Variants in RUNDC3B observed in about 807,000 individuals in gnomAD.
RUNDC3B encodes RUN domain-containing protein 3B.
RUNDC3B carries 33 observed loss-of-function variants against 58.4 expected under a neutral mutation model. The ratio of observed to expected loss-of-function variants is 0.56; its 90% confidence interval spans 0.43 to 0.75. RUNDC3B has a LOEUF of 0.75. Ranked by LOEUF, RUNDC3B falls within the 30% of genes least tolerant of loss-of-function variation. The pLI, the probability that RUNDC3B is intolerant of heterozygous loss-of-function variation, is 0.00. For synonymous variants in RUNDC3B, 193 were observed against 195.2 expected (o/e 0.99, Z 0.10); for missense variants, 501 against 535.7 (o/e 0.94, Z 0.64).
intron 7 of RUNDC3B, among the ~76,000 whole-genome samples, chr7:87,771,745 G>A (rs1183512791): frequency 3.9e-5 from 6 of 152,192 alleles, no homozygotes; most frequent in Non-Finnish European, 5.9e-5. Context: ...GAAACAGCAG[G>A]TATAGGTCCC....
chr7:87,659,050 C>T (rs924383684), intron 2 of RUNDC3B, among the ~76,000 whole-genome samples: 5 of 151,930 alleles, frequency 3.3e-5, no homozygotes, highest in South Asian at 2.1e-4. Context: ...CCTATTTGGG[C>T]GGCTGAGGTG....
At chr7:87,680,241 G>T (rs1826792488) in intron 2 of RUNDC3B, among the ~76,000 whole-genome samples, 3 of 150,528 alleles carry the variant, frequency 2.0e-5, no homozygotes. Flanking sequence ...ATTCCATGGT[G>T]TGTATGTGCC....
chr7:87,823,050 A>T (rs969133747), intron 10 of RUNDC3B, among the ~76,000 whole-genome samples: 12 of 152,074 alleles, frequency 7.9e-5, no homozygotes, highest in Admixed American at 2.0e-4. Context: ...ATAATAAAAT[A>T]AAATTAAAAA....
chr7:87,692,357 G>A (rs1439265984), intron 2 of RUNDC3B, among the ~76,000 whole-genome samples: 1 of 152,094 alleles, frequency 6.6e-6, no homozygotes, highest in African/African-American at 2.4e-5. Flanking sequence ...CTCACAAGGC[G>A]AAGGCAGGAG....
rs747855568 is a variant in RUNDC3B, at chr7:87,793,664, T to G, written c.957-13709T>G. 4.5e-4 allele frequency among the ~76,000 whole-genome samples: 68 copies of G among 152,084 alleles called. 1 individual carries two copies. Among genetic ancestry groups the G allele is most frequent in the Non-Finnish European group, 1.5e-4 (10 of 67,968 alleles). On this transcript the variant is annotated intron_variant, in intron 8 of 10. Coordinates refer to ENST00000394654, the MANE Select transcript of RUNDC3B (RefSeq NM_001134405.2). Reference sequence around the variant, plus strand: ...TAAAAAAACACTCAAAAAACTGAGTTTTTTTTGAGAAGGAACATACCTCAA... The same window carrying G: ...TAAAAAAACACTCAAAAAACTGAGTGTTTTTTGAGAAGGAACATACCTCAA...
intron 2 of RUNDC3B, among the ~76,000 whole-genome samples, chr7:87,689,764 G>T (rs1827844699): frequency 6.6e-6 from 1 of 151,914 alleles, no homozygotes; most frequent in African/African-American, 2.4e-5. Context: ...ATCATTTTAT[G>T]GTATTGTTAC....
intron 2 of RUNDC3B, among the ~76,000 whole-genome samples, chr7:87,661,640 T>C: frequency 6.6e-6 from 1 of 152,084 alleles, no homozygotes; most frequent in East Asian, 1.9e-4. Context: ...TGTGTATATT[T>C]ACCACATTTT....
chr7:87,732,180 T>A (rs371722611), intron 4 of RUNDC3B, among the ~76,000 whole-genome samples: 4 of 151,796 alleles, frequency 2.6e-5, no homozygotes, highest in African/African-American at 9.7e-5. Context: ...AGTGCAAAAT[T>A]TAAGAAGAAA....
intron 6 of RUNDC3B, among the ~76,000 whole-genome samples, chr7:87,767,462 T>C (rs1834032842): frequency 6.6e-6 from 1 of 152,214 alleles, no homozygotes; most frequent in African/African-American, 2.4e-5. Context: ...TGGTTATAGA[T>C]AGCTTTTTTT....
intron 10 of RUNDC3B, among the ~76,000 whole-genome samples, chr7:87,823,123 T>C (rs1039451166): frequency 1.3e-5 from 2 of 152,170 alleles, no homozygotes; most frequent in Non-Finnish European, 2.9e-5. Context: ...TATTACTATT[T>C]TAATTTGTTT....
At chr7:87,670,467 T>G (rs1178280942) in intron 2 of RUNDC3B, among the ~76,000 whole-genome samples, 1 of 152,208 alleles carries the variant, frequency 6.6e-6, no homozygotes, top group African/African-American at 2.4e-5. Flanking sequence ...TGGATTGTAT[T>G]TCTGTTATTT....
At chr7:87,826,438 C>G (rs974172222) in intron 10 of RUNDC3B, among the ~76,000 whole-genome samples, 1 of 151,226 alleles carries the variant, frequency 6.6e-6, no homozygotes, top group Admixed American at 6.6e-5. Context: ...TTCCAAGTAT[C>G]AAGTATGCCT....
At chr7:87,644,932 A>G (rs1822831404) in intron 1 of RUNDC3B, among the ~76,000 whole-genome samples, 1 of 152,026 alleles carries the variant, frequency 6.6e-6, no homozygotes, top group Non-Finnish European at 1.5e-5. Flanking sequence ...TCTATGAACT[A>G]TGGAAGGAAT....
chr7:87,770,050 A>C (rs1002413313), intron 6 of RUNDC3B, among the ~76,000 whole-genome samples: 1 of 151,796 alleles, frequency 6.6e-6, no homozygotes. Flanking sequence ...TGTTCCCCTC[A>C]GTAGGAAATG....
intron 6 of RUNDC3B, among the ~76,000 whole-genome samples, chr7:87,767,477 T>C (rs909156349): frequency 1.3e-5 from 2 of 152,204 alleles, no homozygotes; most frequent in Admixed American, 1.3e-4. Context: ...TTTTTTGCAG[T>C]GGCTTTCTCA....
intron 10 of RUNDC3B, among the ~76,000 whole-genome samples, chr7:87,821,017 A>G (rs1194734683): frequency 1.4e-4 from 21 of 149,160 alleles, no homozygotes; most frequent in Non-Finnish European, 3.0e-4. Context: ...CCTATTCAAC[A>G]TAGTGTTGGA....
chr7:87,643,953 G>C (rs1584983217), intron 1 of RUNDC3B, among the ~76,000 whole-genome samples: 1 of 152,068 alleles, frequency 6.6e-6, no homozygotes, highest in Admixed American at 6.5e-5. Context: ...GTTCCTCCCA[G>C]GTTCAAGTGA....
At chr7:87,666,109 G>C (rs571090965) in intron 2 of RUNDC3B, among the ~76,000 whole-genome samples, 1 of 152,124 alleles carries the variant, frequency 6.6e-6, no homozygotes, top group Non-Finnish European at 1.5e-5. Context: ...TCTAACAGCA[G>C]TGTATAAGCA....
rs1209506866 is a variant in RUNDC3B at position 87,770,578 on chromosome 7, C to T, written c.630-3C>T. The T allele has an allele frequency of 1.9e-6, 3 of 1,610,128 alleles. No individual in the cohort carries two copies. Among genetic ancestry groups the T allele is most frequent in the Non-Finnish European group, 1.7e-6 (2 of 1,177,984 alleles). On this transcript the variant is annotated splice_region_variant and splice_polypyrimidine_tract_variant and intron_variant, in intron 6 of 10. Transcript: ENST00000394654. ...CTTTTTTTTAAAATTTTGATCTTCC[C>T]AGTTCTGATAGTATCAGCAGTGATG...
Sources: gnomAD v4.1 joint callset for allele counts (sites outside exome capture counted in the v4.1 genomes callset) on GRCh38, gnomAD v4.1.1 for gene constraint, MANE v1.5 for transcripts, NCBI Gene and HGNC (gene_info 2026-07-23, HGNC 2026-07-21) for gene names.